The following SLC34A3 variants were observed in gnomAD, a reference collection of about 807,000 sequenced individuals.
SLC34A3 encodes sodium-dependent phosphate transport protein 2C.
In SLC34A3, 60 loss-of-function variants were observed where a neutral mutation model predicts 43.9. That is an observed-to-expected ratio of 1.37 (90% confidence interval 1.11 to 1.70). The LOEUF is 1.70. SLC34A3 is among the 40% of genes most tolerant of loss of function. The pLI is 0.00. For missense variants in SLC34A3, 969 were observed against 823.8 expected (o/e 1.18, Z -2.16); for synonymous variants, 451 against 386.2 (o/e 1.17, Z -1.97).
In SLC34A3 at chr9:137,233,622, C is replaced by G; in HGVS notation, c.757-11C>G. On this transcript the variant is annotated splice_polypyrimidine_tract_variant and intron_variant, in intron 7 of 12. Transcript: ENST00000673835. ...GGTGCAGCACACCGTCACGACCCCT[C>G]TGGCCCCCAGTTGGACTCCGACATG... 1 of 1,611,986 alleles carries G rather than the reference C, an allele frequency of 6.2e-7. No homozygotes were observed. The highest frequency in any genetic ancestry group is 2.2e-5 in the East Asian group (1 of 44,852).
At position 137,232,271 on chromosome 9, in the gene SLC34A3, C is replaced by G. The variant is rs906687411; in HGVS notation, c.175+110C>G. ...CCAAACAGGCTGTGTGTGGGGAACT[C>G]CGCCATGCAGGCCCCCTCTGGGGAG... On this transcript the variant is annotated intron_variant, in intron 3 of 12. Coordinates refer to ENST00000673835, the MANE Select transcript of SLC34A3 (RefSeq NM_001177316.2). The G allele has an allele frequency of 6.4e-6, 7 of 1,097,588 alleles. No homozygotes were observed. In the East Asian group the frequency reaches 1.7e-4, roughly 26 times the overall value. The allele number at this position is 1,097,588 out of a possible 1,614,324, so 68.0% of individuals were successfully genotyped here.
rs1836329839 is a variant in SLC34A3 at position 137,232,986 on chromosome 9, C to T, written c.449-18C>T. ...GGGCAGGGTGGGCCGCAGGCTGACT[C>T]AGCCCCCCCACCAGCAGTGCTGACT... is the stretch of plus-strand genomic sequence containing the variant. On this transcript the variant is annotated intron_variant, in intron 5 of 12. Transcript: ENST00000673835. 4 of 1,610,044 alleles carry T rather than the reference C, an allele frequency of 2.5e-6. No homozygotes were observed. The highest frequency in any genetic ancestry group is 1.8e-4 in the Middle Eastern group (1 of 5,492).
Position 137,235,028 on chromosome 9 carries a change from T to A in SLC34A3, c.1335+297T>A, listed in dbSNP as rs575607533. Reference sequence around the variant, plus strand: ...AGCATCTCAGGGGGCTCTAAGCCCCTCTATTCCAGCACCCTCAGATGCTTT... The same window carrying A: ...AGCATCTCAGGGGGCTCTAAGCCCCACTATTCCAGCACCCTCAGATGCTTT... On this transcript the variant is annotated intron_variant, in intron 12 of 12. Transcript: ENST00000673835. Among the ~76,000 whole-genome samples, 4 of 152,098 alleles carry A rather than the reference T, an allele frequency of 2.6e-5. No individual in the cohort carries two copies. The East Asian group carries it at 7.8e-4, about 29-fold the overall frequency.
rs776565932 is a variant in SLC34A3, at chr9:137,234,326, C to T, written c.1093+50C>T. The T allele has an allele frequency of 6.2e-7, 1 of 1,603,946 alleles. No individual in the cohort carries two copies. The highest frequency in any genetic ancestry group is 2.2e-5 in the East Asian group (1 of 44,786). On this transcript the variant is annotated intron_variant, in intron 10 of 12. Transcript: ENST00000673835. The surrounding 1 kb of genome is among the most constrained non-coding windows in gnomAD (Gnocchi z 6.9). Reference sequence around the variant, plus strand: ...TGGCCAGGGCTGACCCAGCATCCCCCATAGACTTCCCCTTCCCACCAGGCT... The same window carrying T: ...TGGCCAGGGCTGACCCAGCATCCCCTATAGACTTCCCCTTCCCACCAGGCT...
Position 137,234,431 on chromosome 9 carries a change from T to A in SLC34A3, c.1109T>A (p.Leu370Gln). 1 of 1,598,970 alleles carries A rather than the reference T, an allele frequency of 6.3e-7. No individual in the cohort carries two copies. Among genetic ancestry groups the A allele is most frequent in the Non-Finnish European group, 8.5e-7 (1 of 1,179,112 alleles). The change falls in exon 11 of 13, where the codon CTG becomes CAG. Residue 370 changes from leucine to glutamine, a missense_variant. Leu to Gln is a moderately radical substitution (Grantham distance 113). Transcript: ENST00000673835. This position sits in a 1 kb window ranked among gnomAD's most constrained non-coding sequence, Gnocchi z 6.9. The part of the protein sequence containing the change: ...TVINADFPFP[L>Q]GWLGGYLAVL... ...TCCCCCACAGACTTCCCCTTCCCGC[T>A]GGGCTGGCTCGGCGGCTACCTGGCC...
chr9:137,232,301 G>C, intron 3 of SLC34A3, 140 bp downstream of exon 3: 3 of 881,506 alleles, frequency 3.4e-6, no homozygotes, highest in Non-Finnish European at 5.4e-6. Flanking sequence ...GGGGAGACAC[G>C]TGTCCCTCAA....
chr9:137,232,055 C>T lies in SLC34A3; in HGVS notation c.86-17C>T, dbSNP rs1303734693. The T allele has an allele frequency of 1.2e-6, 2 of 1,610,932 alleles. No homozygotes were observed. The highest frequency in any genetic ancestry group is 1.7e-6 in the Non-Finnish European group (2 of 1,177,910). ...AGGTGGTCCTGGAAACAGCCGTACT[C>T]AATTCTACCTCCACAGGGACCTCCA... On this transcript the variant is annotated splice_polypyrimidine_tract_variant and intron_variant, in intron 2 of 12. Transcript: ENST00000673835.
chr9:137,233,779 T>TTGGGGGGCCCCCCCCCCCCCCCCCCCCA, intron 8 of SLC34A3, 57 bp downstream of exon 8: 1 of 1,445,826 alleles, frequency 6.9e-7, no homozygotes, highest in East Asian at 2.3e-5. Flanking sequence ...TGCTGAGTCA[T>TTGGGGGGCCCCCCCCCCCCCCCCCCCCA]CCCGCCCCAC....
rs566604583 is a variant in SLC34A3, at chr9:137,232,717, C to T, written c.304+14C>T. 8.7e-6 allele frequency: 14 copies of T among 1,612,784 alleles called. No individual in the cohort carries two copies. The Middle Eastern group carries it at 6.6e-4, about 76-fold the overall frequency. ...AGCTGCTGGGCAGTGAGTGACGGGA[C>T]GGGTGCCCAGGGCGGGGCGGGCAAC... On this transcript the variant is annotated intron_variant, in intron 4 of 12. Transcript: ENST00000673835.
At position 137,236,350 on chromosome 9, in the gene SLC34A3, G is replaced by C. The variant is rs1460298689; in HGVS notation, c.1734G>C (p.Pro578=). The C allele has an allele frequency of 2.9e-5, 45 of 1,540,938 alleles. No individual in the cohort carries two copies. Among genetic ancestry groups the C allele is most frequent in the Non-Finnish European group, 3.9e-5 (45 of 1,146,766 alleles). The change falls in exon 13 of 13, where the codon CCG becomes CCC. Residue 578 remains proline (P), a synonymous_variant. Coordinates refer to ENST00000673835, the MANE Select transcript of SLC34A3 (RefSeq NM_001177316.2). ...RCCPCNVCSP[P]KATTKEAYCY... ...GCCCCTGCAACGTCTGCAGCCCCCC[G>C]AAGGCCACCACCAAAGAGGCCTACT... is the stretch of plus-strand genomic sequence containing the variant.
At chr9:137,235,339 A>G (rs1836524644) in intron 12 of SLC34A3, among the ~76,000 whole-genome samples, 1 of 151,638 alleles carries the variant, frequency 6.6e-6, no homozygotes, top group South Asian at 2.1e-4. Flanking sequence ...AGCTCCCGAA[A>G]CTCCGGGTCA....
Position 137,231,739 on chromosome 9 carries a change from C to T in SLC34A3, c.37C>T (p.Pro13Ser). The T allele has an allele frequency of 6.2e-7, 1 of 1,613,210 alleles. No individual in the cohort carries two copies. The highest frequency in any genetic ancestry group is 8.5e-7 in the Non-Finnish European group (1 of 1,179,984). ...CCTTCCCGGCAGCCAGGTCCCCCAC[C>T]CCACTCTGGACGCGGTTGACCTAGT... ...SSLPGSQVPHPTLDAVDLVEK... is the reference protein window; with the variant it reads ...SSLPGSQVPHSTLDAVDLVEK... Residue 13 changes from proline to serine, a missense_variant, in exon 2 of 13, where the codon CCC (proline) becomes TCC (serine). Transcript: ENST00000673835.
rs775093177 is a variant in SLC34A3, at chr9:137,235,920, GCCCAGGCCCCTGACAGCCCCCTCGCC to G, written c.1336-25_1336del. ...GCCCCTGGTGACCCCACCTCGTTGGGCCCAGGCCCCTGACAGCCCCCTCGCCCCCAGGTCGCCCTCATCCACTTCTT... is the reference window on the plus strand; with the variant it reads ...GCCCCTGGTGACCCCACCTCGTTGGGCCCAGGTCGCCCTCATCCACTTCTT... On this transcript the variant is annotated splice_polypyrimidine_tract_variant and splice_region_variant and intron_variant, in intron 12 of 12. Coordinates refer to ENST00000673835, the MANE Select transcript of SLC34A3 (RefSeq NM_001177316.2). 3 of 1,605,610 alleles carry G rather than the reference GCCCAGGCCCCTGACAGCCCCCTCGCC, an allele frequency of 1.9e-6. No homozygotes were observed. The highest frequency in any genetic ancestry group is 2.6e-6 in the Non-Finnish European group (3 of 1,175,236).
chr9:137,233,486 G>A, intron 7 of SLC34A3, 82 bp downstream of exon 7: 1 of 1,581,286 alleles, frequency 6.3e-7, no homozygotes, highest in Non-Finnish European at 8.6e-7. Flanking sequence ...CCTGATGGAG[G>A]GTCAGCGGAG....
At chr9:137,233,973 C>T (rs748970719) in intron 9 of SLC34A3, 32 bp downstream of exon 9, 2 of 1,474,622 alleles carry the variant, frequency 1.4e-6, no homozygotes, top group East Asian at 2.5e-5. Flanking sequence ...GCCCCCTACA[C>T]CCCCCACACT....
Position 137,236,199 on chromosome 9 carries a change from T to C in SLC34A3, c.1583T>C (p.Val528Ala). 1 of 1,596,898 alleles carries C rather than the reference T, an allele frequency of 6.3e-7. No individual in the cohort carries two copies. The highest frequency in any genetic ancestry group is 8.5e-7 in the Non-Finnish European group (1 of 1,173,848). ...GGPLVGLVLL[V>A]ILVTVLQRRR... is the part of the protein sequence containing the mutation. ...CCCCTGGTGGGGCTGGTGCTCCTCG[T>C]CATCCTGGTTACTGTCCTGCAGCGG... Residue 528 changes from valine to alanine, a missense_variant, in exon 13 of 13, where the codon GTC (valine) becomes GCC (alanine). Coordinates refer to ENST00000673835, the MANE Select transcript of SLC34A3 (RefSeq NM_001177316.2).
Position 137,234,230 on chromosome 9 carries a change from G to A in SLC34A3, c.1047G>A (p.Val349=). 1 of 1,609,800 alleles carries A rather than the reference G, an allele frequency of 6.2e-7. No individual in the cohort carries two copies. The highest frequency in any genetic ancestry group is 1.1e-5 in the South Asian group (1 of 90,634). Residue 349 remains valine, a synonymous_variant, in exon 10 of 13, where the codon GTG becomes GTA. Transcript: ENST00000673835. The surrounding 1 kb of genome is among the most constrained non-coding windows in gnomAD (Gnocchi z 6.9). ...TCATAGTCAAGCTGCTCAACTCTGTGCTGCGCGGCCGCGTGGCCCAGGTCG... is the reference window on the plus strand; with the variant it reads ...TCATAGTCAAGCTGCTCAACTCTGTACTGCGCGGCCGCGTGGCCCAGGTCG... ...LVLIVKLLNS[V]LRGRVAQVVR...
chr9:137,236,217 T>C lies in SLC34A3; in HGVS notation c.1601T>C (p.Leu534Pro), dbSNP rs1836586153. 6.3e-7 allele frequency: 1 copy of C among 1,577,302 alleles called. No individual in the cohort carries two copies. Among genetic ancestry groups the C allele is most frequent in the East Asian group, 2.3e-5 (1 of 42,568 alleles). ...CTCCTCGTCATCCTGGTTACTGTCC[T>C]GCAGCGGCGCCGGCCGGCCTGGCTG... ...LVLLVILVTV[L>P]QRRRPAWLPV... Residue 534 changes from leucine to proline, a missense_variant, in exon 13 of 13, where the codon CTG (leucine) becomes CCG (proline). By Grantham distance (98) the Leu-to-Pro change is moderately conservative. Transcript: ENST00000673835.
chr9:137,234,668 CACT>C lies in SLC34A3; in HGVS notation c.1275_1277del (p.Thr427del). 1 of 1,612,394 alleles carries C rather than the reference CACT, an allele frequency of 6.2e-7. No homozygotes were observed. The highest frequency in any genetic ancestry group is 8.5e-7 in the Non-Finnish European group (1 of 1,179,872). On this transcript the variant is annotated inframe_deletion, in exon 12 of 13. Transcript: ENST00000673835. The surrounding 1 kb of genome is among the most constrained non-coding windows in gnomAD (Gnocchi z 6.9). ...TCTTACTGGGCTCCAACATCGGCAC[CACT>C]ACCACAGCCCTGCTGGCTGCCCTGG... is the stretch of plus-strand genomic sequence containing the variant.
Sources: allele counts gnomAD v4.1 joint callset (sites outside exome capture counted in the v4.1 genomes callset), GRCh38; gene constraint gnomAD v4.1.1; non-coding constraint Gnocchi (gnomAD v3.1); transcripts MANE v1.5; gene names NCBI Gene and HGNC (gene_info 2026-07-23, HGNC 2026-07-21).